DDX3X: variants seen among roughly 807,000 people sequenced by gnomAD.
DDX3X encodes the protein ATP-dependent RNA helicase DDX3X.
In DDX3X, 4 loss-of-function variants were observed where a neutral mutation model predicts 52.7. The ratio of observed to expected loss-of-function variants is 0.08; its 90% confidence interval spans 0.04 to 0.17. The LOEUF is 0.17. Ranked by LOEUF, DDX3X falls within the 10% of genes least tolerant of loss-of-function variation. The pLI is 1.00. For missense variants in DDX3X, 222 were observed against 548.6 expected (o/e 0.40, Z 5.95); for synonymous variants, 192 against 178.1 (o/e 1.08, Z -0.62).
intron 5 of DDX3X, among the ~76,000 whole-genome samples, chrX:41,360,046 C>T (rs2064023395): frequency 9.1e-6 from 1 of 109,514 alleles, no homozygotes; most frequent in African/African-American, 3.3e-5. Flanking sequence ...GAAGTAGTGT[C>T]ACTCCAGCCA....
chrX:41,334,616 T>A, intron 1 of DDX3X: 1 of 1,082,393 alleles, frequency 9.2e-7, no homozygotes, highest in Non-Finnish European at 1.2e-6. Context: ...GACTGATTAG[T>A]GACCTGGGGG....
intron 5 of DDX3X, among the ~76,000 whole-genome samples, chrX:41,363,506 G>A (rs895395834): frequency 9.1e-6 from 1 of 109,920 alleles, no homozygotes; most frequent in African/African-American, 3.3e-5. Context: ...AACTCTGGCC[G>A]GGCGCAGTGG....
intron 10 of DDX3X, among the ~76,000 whole-genome samples, chrX:41,344,847 C>T (rs976199589): frequency 8.9e-6 from 1 of 111,987 alleles, no homozygotes; most frequent in African/African-American, 3.3e-5. Flanking sequence ...TGATGTATTT[C>T]AGACATCTAA....
intron 11 of DDX3X, 34 bp downstream of exon 11, chrX:41,345,358 G>C: frequency 1.7e-6 from 2 of 1,200,446 alleles, no homozygotes; most frequent in African/African-American, 3.5e-5. Context: ...TATTTATTTA[G>C]AAATTTGTTT....
downstream of DDX3X, among the ~76,000 whole-genome samples, chrX:41,353,626 C>T (rs1450370653): frequency 9.3e-6 from 1 of 107,116 alleles, no homozygotes; most frequent in Non-Finnish European, 1.9e-5. Flanking sequence ...AAAAAATTAG[C>T]TGGGCGTGGT....
At chrX:41,342,381 T>A in intron 4 of DDX3X, 114 bp from the exon 5 acceptor site, 1 of 840,730 alleles carries the variant, frequency 1.2e-6, no homozygotes, top group Non-Finnish European at 1.7e-6. Flanking sequence ...ATTGGATTGT[T>A]GACATCCTTA....
At chrX:41,350,723 T>TC (rs1248621136), downstream of DDX3X, 1 of 111,282 alleles carries the variant, frequency 9.0e-6, no homozygotes, top group African/African-American at 3.3e-5. Flanking sequence ...GCCCACGAGT[T>TC]CAAGTCCAGC....
At chrX:41,354,292 AC>A (rs889698069), downstream of DDX3X, among the ~76,000 whole-genome samples, 1 of 101,750 alleles carries the variant, frequency 9.8e-6, no homozygotes, top group African/African-American at 3.7e-5. Flanking sequence ...GATTTGTGTA[AC>A]CCCCTCCACA....
intron 1 of DDX3X, among the ~76,000 whole-genome samples, chrX:41,337,047 A>C (rs780968096): frequency 1.8e-5 from 2 of 112,448 alleles, no homozygotes; most frequent in South Asian, 3.7e-4. Flanking sequence ...ACATTGAGGA[A>C]TAATTTTGAG....
At position 41,346,323 on chromosome X, in the gene DDX3X, C is replaced by T. The variant is rs779663261; in HGVS notation, c.1410C>T (p.Ser470=). ...FLYHEGYACT[S]IHGDRSQRDR... is the part of the protein sequence containing the mutation. ...ACCATGAAGGATACGCATGTACCAG[C>T]ATCCATGGAGACCGTTCTCAGAGGG... Residue 470 remains serine (S), a synonymous_variant, in exon 13 of 17, where the codon AGC becomes AGT. Coordinates refer to ENST00000644876, the MANE Select transcript of DDX3X (RefSeq NM_001356.5). 8.3e-7 allele frequency: 1 copy of T among 1,210,668 alleles called. No homozygotes were observed. Among genetic ancestry groups the T allele is most frequent in the South Asian group, 1.8e-5 (1 of 56,905 alleles).
chrX:41,345,030 A>T, intron 10 of DDX3X, 150 bp from the exon 11 acceptor site: 1 of 534,986 alleles, frequency 1.9e-6, no homozygotes, highest in Non-Finnish European at 3.0e-6. Context: ...TGTCTGTAAA[A>T]TTATGCAGTG....
chrX:41,362,743 A>T (rs2064034356), intron 5 of DDX3X, among the ~76,000 whole-genome samples: 1 of 111,833 alleles, frequency 8.9e-6, no homozygotes, highest in African/African-American at 3.2e-5. Context: ...TCTCTTCCCT[A>T]TGGGAGGTGG....
intron 5 of DDX3X, among the ~76,000 whole-genome samples, chrX:41,355,579 C>T (rs1466544378): frequency 1.8e-5 from 2 of 110,385 alleles, no homozygotes; most frequent in Non-Finnish European, 3.8e-5. Flanking sequence ...GCCATCCTCC[C>T]ACCTCAGCCT....
upstream of DDX3X, chrX:41,334,081 G>A (rs2063717649): frequency 2.1e-6 from 1 of 467,078 alleles, no homozygotes; most frequent in African/African-American, 2.4e-5. Flanking sequence ...TGCGGTGTGA[G>A]AGGGAGGGCA....
At position 41,339,299 on chromosome X, in the gene DDX3X, C is replaced by G. The variant is rs1032152776; in HGVS notation, c.151+216C>G. The G allele has an allele frequency of 6.1e-5, 12 of 197,993 alleles. No homozygotes were observed. The East Asian group carries it at 1.1e-3, about 17-fold the overall frequency. The allele number at this position is 197,993 out of a possible 1,213,427, so 16.3% of individuals were successfully genotyped here. A position where few individuals can be genotyped will look rare whatever the true frequency, so the allele number is the denominator to read the frequency against. On this transcript the variant is annotated intron_variant, in intron 3 of 16. Coordinates refer to ENST00000644876, the MANE Select transcript of DDX3X (RefSeq NM_001356.5). ...TTCGGCATTCCTATGTCAAACTGTT[C>G]TGACGCCAAGGGCATGGTTTTGTAC...
chrX:41,340,082 T>C (rs1409325512), intron 3 of DDX3X: 1 of 110,194 alleles, frequency 9.1e-6, no homozygotes, highest in Admixed American at 9.7e-5. Flanking sequence ...CTAATTTTTG[T>C]ATATTTAGTA....
At chrX:41,342,911 G>C (rs774742717) in intron 6 of DDX3X, 75 bp downstream of exon 6, 1 of 857,278 alleles carries the variant, frequency 1.2e-6, no homozygotes, top group South Asian at 2.1e-5. Flanking sequence ...TGTGAGATGG[G>C]CTTCATAAAG....
At chrX:41,353,805 TAC>T (rs751213463), downstream of DDX3X, among the ~76,000 whole-genome samples, 296 of 101,276 alleles carry the variant, frequency 2.9e-3, 1 homozygote, top group South Asian at 0.018. Context: ...TACACACGCA[TAC>T]ACACACACAC....
At chrX:41,340,876 T>G (rs899642211) in intron 3 of DDX3X, 9 of 294,475 alleles carry the variant, frequency 3.1e-5, no homozygotes, top group African/African-American at 2.5e-4. Flanking sequence ...TAAATTGTTA[T>G]GGTCACACAA....
Sources: gnomAD v4.1 joint callset for allele counts (sites outside exome capture counted in the v4.1 genomes callset) on GRCh38, gnomAD v4.1.1 for gene constraint, MANE v1.5 for transcripts, NCBI Gene and HGNC (gene_info 2026-07-23, HGNC 2026-07-21) for gene names.